The following AK7 variants were observed in gnomAD, a reference collection of about 807,000 sequenced individuals.
AK7 encodes ATP-AMP transphosphorylase 7.
Under a neutral mutation model 96.6 loss-of-function variants are expected in AK7, and 78 were observed. The observed-to-expected ratio is 0.81, with a 90% confidence interval of 0.67 to 0.97. The LOEUF is 0.97. Ranked by LOEUF, AK7 falls within the 50% of genes least tolerant of loss-of-function variation. The pLI, the probability that AK7 is intolerant of heterozygous loss-of-function variation, is 0.00. For missense variants in AK7, 855 were observed against 887.9 expected (o/e 0.96, Z 0.47); for synonymous variants, 302 against 317.2 (o/e 0.95, Z 0.51).
At chr14:96,417,464 C>T (rs1329256030) in intron 4 of AK7, among the ~76,000 whole-genome samples, 1 of 152,180 alleles carries the variant, frequency 6.6e-6, no homozygotes, top group Non-Finnish European at 1.5e-5. Context: ...CTACTGTGTA[C>T]ACAGAATTGA....
chr14:96,402,867 C>T (rs142162880), intron 2 of AK7, among the ~76,000 whole-genome samples: 96 of 152,066 alleles, frequency 6.3e-4, no homozygotes, highest in African/African-American at 2.2e-3. Context: ...CAGTAGCTCA[C>T]GCCTGTAATC....
chr14:96,450,090 C>T (rs1379621132), intron 9 of AK7, among the ~76,000 whole-genome samples: 3 of 152,070 alleles, frequency 2.0e-5, no homozygotes, highest in Admixed American at 1.3e-4. Context: ...CTTCAGTTGT[C>T]TTTCCTGAAT....
intron 6 of AK7, among the ~76,000 whole-genome samples, chr14:96,442,189 G>A (rs568439009): frequency 5.3e-5 from 8 of 152,300 alleles, no homozygotes; most frequent in Middle Eastern, 3.4e-3. Flanking sequence ...TCTGAGGATC[G>A]GGGTTCCAGT....
At chr14:96,464,595 T>TATTATAAA (rs1436071291) in intron 12 of AK7, among the ~76,000 whole-genome samples, 1 of 151,282 alleles carries the variant, frequency 6.6e-6, no homozygotes, top group Non-Finnish European at 1.5e-5. Context: ...TAGTGTACTT[T>TATTATAAA]ATTATAAAGG....
intron 8 of AK7, among the ~76,000 whole-genome samples, chr14:96,446,947 T>TA (rs529357410): frequency 0.052 from 7,838 of 151,880 alleles, 370 homozygotes; most frequent in African/African-American, 0.13. Flanking sequence ...CTCCAAAAAA[T>TA]AAAAAATAAA....
At position 96,398,262 on chromosome 14, in the gene AK7, C is replaced by A; in HGVS notation, c.293C>A (p.Ser98Tyr). ...CCTGACTTTGCGGTGGAGACGTACT[C>A]TGTAAGTCCCGGAGGCTCTGGCCAG... is the stretch of plus-strand genomic sequence containing the variant. ...PRPDFAVETY[S>Y]AISREDLLMR... Residue 98 changes from serine to tyrosine, a missense_variant and splice_region_variant, in exon 2 of 18, where the codon TCT (serine) becomes TAT (tyrosine). Transcript: ENST00000267584. 1 of 1,612,620 alleles carries A rather than the reference C, an allele frequency of 6.2e-7. No homozygotes were observed. Among genetic ancestry groups the A allele is most frequent in the South Asian group, 1.1e-5 (1 of 91,024 alleles).
rs151212792 is a variant in AK7 at position 96,463,458 on chromosome 14, T to G, written c.1357+5246T>G. On this transcript the variant is annotated intron_variant, in intron 12 of 17. Coordinates refer to ENST00000267584, the MANE Select transcript of AK7 (RefSeq NM_152327.5). Reference sequence around the variant, plus strand: ...AGAGGAGCCGGGCGCGGTGGCTCACTCCTGTAATCCCAGCACTTTGGGAGG... The same window carrying G: ...AGAGGAGCCGGGCGCGGTGGCTCACGCCTGTAATCCCAGCACTTTGGGAGG... Among the ~76,000 whole-genome samples the G allele has an allele frequency of 7.0e-3, 1,062 of 151,108 alleles. 9 individuals carry two copies. Among genetic ancestry groups the G allele is most frequent in the African/African-American group, 0.024 (986 of 41,174 alleles).
chr14:96,402,936 C>A (rs938025179), intron 2 of AK7, among the ~76,000 whole-genome samples: 1 of 151,968 alleles, frequency 6.6e-6, no homozygotes, highest in Non-Finnish European at 1.5e-5. Context: ...CAAGACCAAC[C>A]CGGCCAACAT....
At chr14:96,417,915 C>T (rs1566770119) in intron 4 of AK7, among the ~76,000 whole-genome samples, 1 of 152,116 alleles carries the variant, frequency 6.6e-6, no homozygotes, top group Non-Finnish European at 1.5e-5. Context: ...GAAAGAAATA[C>T]ATGTATTGGA....
At chr14:96,462,009 C>A (rs1407983481) in intron 12 of AK7, among the ~76,000 whole-genome samples, 4 of 152,160 alleles carry the variant, frequency 2.6e-5, no homozygotes, top group Non-Finnish European at 5.9e-5. Context: ...GGTGACCACA[C>A]AGAACAAGAA....
chr14:96,440,054 C>T (rs1184899347), intron 6 of AK7, among the ~76,000 whole-genome samples: 1 of 152,182 alleles, frequency 6.6e-6, no homozygotes, highest in Non-Finnish European at 1.5e-5. Flanking sequence ...CAACTCACTG[C>T]AATCTCCACC....
At chr14:96,472,585 G>A in intron 13 of AK7, 102 bp from the exon 14 acceptor site, 101 of 799,188 alleles carry the variant, frequency 1.3e-4, no homozygotes. Flanking sequence ...TTTATGGCTA[G>A]TTTTCATTAG....
At chr14:96,425,224 G>A (rs980037031) in intron 5 of AK7, among the ~76,000 whole-genome samples, 10 of 152,298 alleles carry the variant, frequency 6.6e-5, no homozygotes, top group South Asian at 4.1e-4. Context: ...CAGGCACTGT[G>A]ATGAGGAGCT....
intron 5 of AK7, among the ~76,000 whole-genome samples, chr14:96,435,345 G>C (rs142983777): frequency 6.6e-6 from 1 of 152,232 alleles, no homozygotes; most frequent in East Asian, 1.9e-4. Context: ...TTTCCTTCAA[G>C]GCAGCAGGTT....
At chr14:96,393,944 A>G (rs978478394) in intron 1 of AK7, among the ~76,000 whole-genome samples, 2 of 152,106 alleles carry the variant, frequency 1.3e-5, no homozygotes, top group Non-Finnish European at 2.9e-5. Flanking sequence ...CCCTGTCTCT[A>G]CTAAAAGTAC....
rs776263148 is a variant in AK7 at position 96,449,883 on chromosome 14, A to C, written c.948+4A>C. On this transcript the variant is annotated splice_donor_region_variant and intron_variant, in intron 9 of 17. Coordinates refer to ENST00000267584, the MANE Select transcript of AK7 (RefSeq NM_152327.5). Reference sequence around the variant, plus strand: ...ATACCTAACCAAGGACTTAACGGTTAGTATATGCGGTGTTTTTTTTTTTTT... The same window carrying C: ...ATACCTAACCAAGGACTTAACGGTTCGTATATGCGGTGTTTTTTTTTTTTT... The C allele has an allele frequency of 1.0e-5, 16 of 1,549,490 alleles. No individual in the cohort carries two copies. The highest frequency in any genetic ancestry group is 1.4e-5 in the Non-Finnish European group (16 of 1,146,862).
chr14:96,447,228 G>A (rs1487048201), intron 8 of AK7, among the ~76,000 whole-genome samples: 1 of 152,164 alleles, frequency 6.6e-6, no homozygotes, highest in East Asian at 1.9e-4. Flanking sequence ...TCCGCCAATA[G>A]GCACTTGCCC....
chr14:96,484,357 C>G (rs1031415636), intron 16 of AK7, among the ~76,000 whole-genome samples: 3 of 152,188 alleles, frequency 2.0e-5, no homozygotes, highest in African/African-American at 7.2e-5. Flanking sequence ...CACTGTCCTC[C>G]CCAACTCCAC....
At chr14:96,423,584 T>A (rs911940543) in intron 5 of AK7, 5 of 496,506 alleles carry the variant, frequency 1.0e-5, no homozygotes, top group Non-Finnish European at 1.9e-5. Context: ...TGCTCAGGTC[T>A]TGTCTGTCCA....
Sources: allele counts gnomAD v4.1 joint callset (sites outside exome capture counted in the v4.1 genomes callset), GRCh38; gene constraint gnomAD v4.1.1; transcripts MANE v1.5; gene names NCBI Gene and HGNC (gene_info 2026-07-23, HGNC 2026-07-21).